Variants in MTDH observed in about 807,000 individuals in gnomAD.
The protein encoded by MTDH is protein LYRIC.
A neutral mutation model predicts 72.7 loss-of-function variants in MTDH; 34 were observed. That is an observed-to-expected ratio of 0.47 (90% confidence interval 0.36 to 0.62). MTDH has a LOEUF of 0.62. Among genes scored for constraint, MTDH ranks in the 20% least tolerant of loss-of-function variants. The pLI is 0.00. For synonymous variants in MTDH, 266 were observed against 268.9 expected, an observed-to-expected ratio of 0.99 and a Z score of 0.10; for missense variants, 677 against 699.4, an observed-to-expected ratio of 0.97 and a Z score of 0.36.
intron 2 of MTDH, among the ~76,000 whole-genome samples, chr8:97,670,952 GTTTTTTTTTTT>G (rs1160758851): frequency 5.1e-5 from 4 of 77,976 alleles, no homozygotes; most frequent in East Asian, 4.8e-4. Context: ...TGTTGTTGTT[GTTTTTTTTTTT>G]TTTTTTTTTT....
chr8:97,678,144 G>A (rs1470561483), intron 2 of MTDH, among the ~76,000 whole-genome samples: 2 of 152,160 alleles, frequency 1.3e-5, no homozygotes, highest in South Asian at 2.1e-4. Flanking sequence ...TTTCAGTAAT[G>A]AAACACATGA....
intron 8 of MTDH, among the ~76,000 whole-genome samples, chr8:97,710,656 A>G (rs1814587503): frequency 7.4e-6 from 1 of 135,210 alleles, no homozygotes; most frequent in South Asian, 2.4e-4. Context: ...ACTTCACTCC[A>G]GCCTGGGCAA....
At position 97,725,521 on chromosome 8, in the gene MTDH, C is replaced by T. The variant is rs2438211; in HGVS notation, c.*851C>T. ...CTTCAACTCTTCTTAGTTACTAATACTTTGTTGACTTTAAAAATGAAATCA... is the reference window on the plus strand; with the variant it reads ...CTTCAACTCTTCTTAGTTACTAATATTTTGTTGACTTTAAAAATGAAATCA... On this transcript the variant is annotated 3_prime_UTR_variant, in exon 12 of 12. Coordinates refer to ENST00000336273, the MANE Select transcript of MTDH (RefSeq NM_178812.4). 0.097 allele frequency: 14,758 copies of T among 152,528 alleles called. 1,049 individuals carry two copies. The highest frequency in any genetic ancestry group is 0.3 in the East Asian group (1,536 of 5,170). 9.4% of individuals were successfully genotyped at this position (152,528 alleles called of 1,614,324 possible). A position where few individuals can be genotyped will look rare whatever the true frequency, so the allele number is the denominator to read the frequency against.
At position 97,724,584 on chromosome 8, in the gene MTDH, C is replaced by T; in HGVS notation, c.1679-16C>T. The T allele has an allele frequency of 6.4e-7, 1 of 1,569,472 alleles. No individual in the cohort carries two copies. Among genetic ancestry groups the T allele is most frequent in the Non-Finnish European group, 8.6e-7 (1 of 1,164,670 alleles). On this transcript the variant is annotated splice_polypyrimidine_tract_variant and intron_variant, in intron 11 of 11. Transcript: ENST00000336273. ...CTCCTAATTTTTTTCTTCGTTTTCCCCCTTTTCTTTTTTAGCCAAGTCTGA... is the reference window on the plus strand; with the variant it reads ...CTCCTAATTTTTTTCTTCGTTTTCCTCCTTTTCTTTTTTAGCCAAGTCTGA...
Position 97,729,040 on chromosome 8 carries a change from C to T in MTDH, c.*4370C>T, listed in dbSNP as rs1190063989. 6.6e-6 allele frequency among the ~76,000 whole-genome samples: 1 copy of T among 151,622 alleles called. No homozygotes were observed. Among genetic ancestry groups the T allele is most frequent in the East Asian group, 1.9e-4 (1 of 5,174 alleles). On this transcript the variant is annotated 3_prime_UTR_variant, in exon 12 of 12. Coordinates refer to ENST00000336273, the MANE Select transcript of MTDH (RefSeq NM_178812.4). The stretch of plus-strand genomic sequence containing the variant: ...TATATTCTCCCACTTTAGCCTCAGC[C>T]TCCAGAGTACCTGGGACTACAGGTA...
chr8:97,660,832 A>T (rs1387443130), intron 1 of MTDH, among the ~76,000 whole-genome samples: 1 of 152,020 alleles, frequency 6.6e-6, no homozygotes, highest in Non-Finnish European at 1.5e-5. Flanking sequence ...AGAGGGACTG[A>T]TACCTTGGTG....
intron 6 of MTDH, among the ~76,000 whole-genome samples, chr8:97,695,015 A>G (rs558314888): frequency 1.1e-4 from 17 of 151,918 alleles, no homozygotes; most frequent in African/African-American, 4.1e-4. Context: ...GCATCCTTTC[A>G]TATTTGGTAA....
chr8:97,710,602 G>A (rs1247894493), intron 8 of MTDH, among the ~76,000 whole-genome samples: 3 of 145,952 alleles, frequency 2.1e-5, no homozygotes, highest in Non-Finnish European at 3.0e-5. Flanking sequence ...GGAGGCTGAG[G>A]CACAAGACTC....
Position 97,729,672 on chromosome 8 carries a change from T to C in MTDH, c.*5002T>C, listed in dbSNP as rs1815485749. Among the ~76,000 whole-genome samples the C allele has an allele frequency of 6.6e-6, 1 of 152,050 alleles. No homozygotes were observed. The highest frequency in any genetic ancestry group is 1.5e-5 in the Non-Finnish European group (1 of 67,990). ...TGATAGTTTGCTTTTTGTTTTTTGT[T>C]TTTTTCTAGAGACAGAGTCTCGTTG... On this transcript the variant is annotated 3_prime_UTR_variant, in exon 12 of 12. Transcript: ENST00000336273.
chr8:97,722,863 T>A lies in MTDH; in HGVS notation c.1522-16T>A, dbSNP rs544113233. 6.3e-7 allele frequency: 1 copy of A among 1,580,250 alleles called. No individual in the cohort carries two copies. The highest frequency in any genetic ancestry group is 1.2e-5 in the South Asian group (1 of 85,892). ...AATTTCACCAAAAAACCTGAGATGA[T>A]TTTTTCCTAAAATAGCCTATCAAGA... is the stretch of plus-strand genomic sequence containing the variant. On this transcript the variant is annotated splice_polypyrimidine_tract_variant and intron_variant, in intron 10 of 11. Coordinates refer to ENST00000336273, the MANE Select transcript of MTDH (RefSeq NM_178812.4).
At chr8:97,706,857 T>C (rs772200431) in intron 8 of MTDH, 107 bp downstream of exon 8, 14 of 1,332,416 alleles carry the variant, frequency 1.1e-5, no homozygotes, top group African/African-American at 1.5e-5. Flanking sequence ...TGTGGGAGGA[T>C]TGCTTGAGCC....
At chr8:97,684,157 G>A (rs77627275) in intron 2 of MTDH, among the ~76,000 whole-genome samples, 1,620 of 148,320 alleles carry the variant, frequency 0.011, 19 homozygotes, top group Non-Finnish European at 0.018. Context: ...AAAAAAAAAC[G>A]ACTAGTCCAA....
chr8:97,682,058 T>C (rs1563541966), intron 2 of MTDH, among the ~76,000 whole-genome samples: 1 of 151,366 alleles, frequency 6.6e-6, no homozygotes, highest in South Asian at 2.1e-4. Context: ...AGCTTTATGC[T>C]ACCAGCTTCC....
chr8:97,683,285 G>C (rs1392982494), intron 2 of MTDH, among the ~76,000 whole-genome samples: 65 of 151,456 alleles, frequency 4.3e-4, no homozygotes, highest in African/African-American at 1.5e-3. Flanking sequence ...GGATGGTCTC[G>C]ATCTCCTAAG....
chr8:97,704,669 T>TC (rs1207560419), intron 7 of MTDH, among the ~76,000 whole-genome samples: 2 of 152,006 alleles, frequency 1.3e-5, no homozygotes, highest in Non-Finnish European at 2.9e-5. Flanking sequence ...TTCTGTCTCT[T>TC]CCTCATAAAT....
At chr8:97,676,640 G>A (rs888700381) in intron 2 of MTDH, among the ~76,000 whole-genome samples, 3 of 152,040 alleles carry the variant, frequency 2.0e-5, no homozygotes, top group East Asian at 1.9e-4. Flanking sequence ...AGGCCAAGGT[G>A]GGTGGATTGC....
At chr8:97,665,448 A>G (rs1194717769) in intron 2 of MTDH, among the ~76,000 whole-genome samples, 1 of 152,180 alleles carries the variant, frequency 6.6e-6, no homozygotes, top group Non-Finnish European at 1.5e-5. Context: ...AAAATGTAAG[A>G]TGTACTTACC....
At chr8:97,677,004 C>CAA (rs57430782) in intron 2 of MTDH, among the ~76,000 whole-genome samples, 4 of 23,320 alleles carry the variant, frequency 1.7e-4, no homozygotes, top group African/African-American at 3.6e-4. Context: ...GACTCTATCT[C>CAA]AAAAAAAAAA....
chr8:97,691,742 C>T (rs1318253725), intron 6 of MTDH, among the ~76,000 whole-genome samples: 1 of 151,974 alleles, frequency 6.6e-6, no homozygotes, highest in Non-Finnish European at 1.5e-5. Context: ...AAGAAATCCA[C>T]ATTACATGTG....
Sources: gnomAD v4.1 joint callset for allele counts (sites outside exome capture counted in the v4.1 genomes callset) on GRCh38, gnomAD v4.1.1 for gene constraint, MANE v1.5 for transcripts, NCBI Gene and HGNC (gene_info 2026-07-23, HGNC 2026-07-21) for gene names.